MACROD2: variants seen among roughly 807,000 people sequenced by gnomAD.
MACROD2 encodes the protein ADP-ribose glycohydrolase MACROD2.
In MACROD2, 36 loss-of-function variants were observed where a neutral mutation model predicts 70.4. That is an observed-to-expected ratio of 0.51 (90% CI 0.39 to 0.68). MACROD2 has a LOEUF of 0.68. Among genes scored for constraint, MACROD2 ranks in the 30% least tolerant of loss-of-function variants. The pLI is 0.00. For missense variants in MACROD2, 496 were observed against 538.4 expected, an observed-to-expected ratio of 0.92 and a Z score of 0.78; for synonymous variants, 172 against 178.8, an observed-to-expected ratio of 0.96 and a Z score of 0.30.
chr20:15,565,045 G>A (rs1165903643), intron 8 of MACROD2, among the ~76,000 whole-genome samples: 2 of 152,054 alleles, frequency 1.3e-5, no homozygotes, highest in Non-Finnish European at 2.9e-5. Context: ...AGTTAGCTCT[G>A]GGATATCATG....
At position 14,967,815 on chromosome 20, in the gene MACROD2, C is replaced by T. The variant is rs117117012; in HGVS notation, c.419-262125C>T. Among the ~76,000 whole-genome samples, 17 of 152,216 alleles carry T rather than the reference C, an allele frequency of 1.1e-4. 1 individual carries two copies. In the East Asian group the frequency reaches 3.3e-3, roughly 29 times the overall value. Reference sequence around the variant, plus strand: ...ACAAAACTTAGCTTTCCTAATGACTCAGGGTCCTCATTTTTAATAGTAATT... The same window carrying T: ...ACAAAACTTAGCTTTCCTAATGACTTAGGGTCCTCATTTTTAATAGTAATT... On this transcript the variant is annotated intron_variant, in intron 5 of 17. Coordinates refer to ENST00000684519, the MANE Select transcript of MACROD2 (RefSeq NM_001351661.2).
At position 14,444,453 on chromosome 20, in the gene MACROD2, G is replaced by GT. The variant is rs1375706423; in HGVS notation, c.272-49019dup. Among the ~76,000 whole-genome samples, 5 of 152,012 alleles carry GT rather than the reference G, an allele frequency of 3.3e-5. No homozygotes were observed. The South Asian group carries it at 8.3e-4, about 25-fold the overall frequency. ...CTCCCTTTCCGTCTGTTCCTTATCAGTTTTTTTCTGATTCCTCCTTATCTG... is the reference window on the plus strand; with the variant it reads ...CTCCCTTTCCGTCTGTTCCTTATCAGTTTTTTTTCTGATTCCTCCTTATCTG... On this transcript the variant is annotated intron_variant, in intron 3 of 17. Transcript: ENST00000684519.
rs149647435 is a variant in MACROD2 at position 14,048,870 on chromosome 20, A to T, written c.164-36751A>T. On this transcript the variant is annotated intron_variant, in intron 2 of 17. Coordinates refer to ENST00000684519, the MANE Select transcript of MACROD2 (RefSeq NM_001351661.2). ...TGAGAAAATATTCCTGATATAATGA[A>T]TGGAACTTAGGAAAGAAATGACAGC... 2.6e-5 allele frequency among the ~76,000 whole-genome samples: 4 copies of T among 152,332 alleles called. No homozygotes were observed. The East Asian group carries it at 7.7e-4, about 29-fold the overall frequency.
At chr20:15,626,988 G>A (rs1299086928) in intron 8 of MACROD2, among the ~76,000 whole-genome samples, 4 of 152,150 alleles carry the variant, frequency 2.6e-5, no homozygotes, top group African/African-American at 9.7e-5. Context: ...GAAGAAGAGA[G>A]AGAGATGCTA....
At chr20:14,017,118 ATTG>A (rs2053003963) in intron 2 of MACROD2, among the ~76,000 whole-genome samples, 1 of 152,086 alleles carries the variant, frequency 6.6e-6, no homozygotes, top group Non-Finnish European at 1.5e-5. Flanking sequence ...TGTAAATTGA[ATTG>A]TTTTCTTAAT....
intron 2 of MACROD2, among the ~76,000 whole-genome samples, chr20:14,078,203 C>A (rs575633643): frequency 1.1e-4 from 17 of 150,798 alleles, no homozygotes; most frequent in African/African-American, 3.9e-4. Context: ...TGCCCGGCCG[C>A]CTCTTTACCT....
chr20:14,015,364 T>C (rs2052973692), intron 2 of MACROD2, among the ~76,000 whole-genome samples: 1 of 152,150 alleles, frequency 6.6e-6, no homozygotes, highest in Non-Finnish European at 1.5e-5. Context: ...GGAGGATAGC[T>C]TGAGGCTAGA....
At chr20:14,015,690 G>T (rs1255817757) in intron 2 of MACROD2, among the ~76,000 whole-genome samples, 2 of 152,072 alleles carry the variant, frequency 1.3e-5, no homozygotes, top group Non-Finnish European at 2.9e-5. Flanking sequence ...CTATAAATTT[G>T]CCAGTTGTAG....
chr20:15,089,506 C>CA (rs2075777026), intron 5 of MACROD2, among the ~76,000 whole-genome samples: 1 of 152,120 alleles, frequency 6.6e-6, no homozygotes, highest in African/African-American at 2.4e-5. Context: ...GTAAACTCAA[C>CA]ATGTCAACTC....
At chr20:14,062,738 A>G (rs1043889053) in intron 2 of MACROD2, among the ~76,000 whole-genome samples, 19 of 152,220 alleles carry the variant, frequency 1.2e-4, no homozygotes, top group Non-Finnish European at 2.4e-4. Context: ...TTTAGAGACT[A>G]GTTGGATGTG....
chr20:16,033,068 A>G (rs930345172), intron 15 of MACROD2, among the ~76,000 whole-genome samples: 3 of 152,124 alleles, frequency 2.0e-5, no homozygotes, highest in Admixed American at 6.6e-5. Context: ...CCCATTTCCA[A>G]CTAAAAACTT....
rs182084790 is a variant in MACROD2 at position 14,926,108 on chromosome 20, T to C, written c.418+241149T>C. 9.2e-5 allele frequency among the ~76,000 whole-genome samples: 14 copies of C among 152,350 alleles called. No homozygotes were observed. In the East Asian group the frequency reaches 2.5e-3, roughly 27 times the overall value. On this transcript the variant is annotated intron_variant, in intron 5 of 17. Transcript: ENST00000684519. ...CAGGTAGCCTCTTGATGGATATTAC[T>C]TTTCTTTTTCCCAGGCTGTCCTGTT...
chr20:14,590,479 C>T (rs374971546), intron 4 of MACROD2, among the ~76,000 whole-genome samples: 6 of 152,176 alleles, frequency 3.9e-5, no homozygotes, highest in Admixed American at 1.3e-4. Flanking sequence ...AACTCCTAGC[C>T]TACCCCGTAC....
At chr20:14,840,474 C>A (rs2073075708) in intron 5 of MACROD2, among the ~76,000 whole-genome samples, 1 of 152,064 alleles carries the variant, frequency 6.6e-6, no homozygotes, top group African/African-American at 2.4e-5. Flanking sequence ...TGGACTCAAG[C>A]AATCCTCCCA....
At chr20:15,281,170 C>T in intron 6 of MACROD2, among the ~76,000 whole-genome samples, 1 of 152,158 alleles carries the variant, frequency 6.6e-6, no homozygotes, top group East Asian at 1.9e-4. Context: ...CACTTGGTCC[C>T]CCACTTGACA....
chr20:16,027,727 G>A (rs1311346551), intron 15 of MACROD2, among the ~76,000 whole-genome samples: 2 of 152,170 alleles, frequency 1.3e-5, no homozygotes. Flanking sequence ...ATATCTCTGT[G>A]TTCACTAGGA....
intron 5 of MACROD2, among the ~76,000 whole-genome samples, chr20:15,046,281 C>T (rs916867271): frequency 2.2e-4 from 33 of 152,166 alleles, no homozygotes; most frequent in African/African-American, 7.5e-4. Context: ...CCGAACCTTC[C>T]CACATGATGA....
chr20:15,591,871 A>C (rs1177073420), intron 8 of MACROD2, among the ~76,000 whole-genome samples: 3 of 152,258 alleles, frequency 2.0e-5, no homozygotes, highest in South Asian at 2.1e-4. Context: ...CAATGATAAC[A>C]TGAATTGTAA....
intron 5 of MACROD2, among the ~76,000 whole-genome samples, chr20:14,993,237 T>C (rs1289909439): frequency 6.6e-6 from 1 of 151,946 alleles, no homozygotes; most frequent in Non-Finnish European, 1.5e-5. Context: ...TCAGATTACA[T>C]GCAACCAGAT....
Sources: gnomAD v4.1 joint callset for allele counts (sites outside exome capture counted in the v4.1 genomes callset) on GRCh38, gnomAD v4.1.1 for gene constraint, MANE v1.5 for transcripts, NCBI Gene and HGNC (gene_info 2026-07-23, HGNC 2026-07-21) for gene names.